The following GRIK2 variants were observed in gnomAD, a reference collection of about 807,000 sequenced individuals.
GRIK2 encodes the protein glutamate receptor ionotropic, kainate 2.
Under a neutral mutation model 100.3 loss-of-function variants are expected in GRIK2, and 32 were observed. The observed-to-expected ratio is 0.32, with a 90% CI of 0.24 to 0.43. The LOEUF is 0.43. Ranked by LOEUF, GRIK2 falls within the 20% of genes least tolerant of loss-of-function variation. The pLI is 1.00. For synonymous variants in GRIK2, 417 were observed against 389.4 expected (o/e 1.07, Z -0.83); for missense variants, 843 against 1,114.9 (o/e 0.76, Z 3.47).
At chr6:101,967,284 A>G (rs1000860405) in intron 14 of GRIK2, among the ~76,000 whole-genome samples, 1 of 152,024 alleles carries the variant, frequency 6.6e-6, no homozygotes, top group African/African-American at 2.4e-5. Flanking sequence ...AAAGTCATAT[A>G]ACTGTTTTTC....
At chr6:101,923,926 A>AC (rs892560595) in intron 12 of GRIK2, among the ~76,000 whole-genome samples, 2 of 120,250 alleles carry the variant, frequency 1.7e-5, no homozygotes, top group Admixed American at 7.9e-5. Flanking sequence ...TTCTGTCTCC[A>AC]AAAAAAAAAA....
At chr6:101,877,136 AACAC>A (rs151191425) in intron 11 of GRIK2, among the ~76,000 whole-genome samples, 2 of 151,368 alleles carry the variant, frequency 1.3e-5, no homozygotes, top group African/African-American at 4.9e-5. Context: ...AACACAGACG[AACAC>A]ACACACACAT....
chr6:101,543,773 A>G (rs1776110536), intron 2 of GRIK2, among the ~76,000 whole-genome samples: 1 of 152,216 alleles, frequency 6.6e-6, no homozygotes, highest in African/African-American at 2.4e-5. Flanking sequence ...TTATTTTTAA[A>G]GTGCTTAAAC....
intron 2 of GRIK2, among the ~76,000 whole-genome samples, chr6:101,451,224 A>T (rs962526266): frequency 6.6e-6 from 1 of 151,636 alleles, no homozygotes; most frequent in African/African-American, 2.4e-5. Flanking sequence ...TGTGGACTTA[A>T]TCTTTATGTT....
chr6:101,569,631 C>T (rs906992405), intron 2 of GRIK2, among the ~76,000 whole-genome samples: 1 of 151,764 alleles, frequency 6.6e-6, no homozygotes, highest in Non-Finnish European at 1.5e-5. Context: ...ATATATGTTA[C>T]CCAAATAATA....
intron 7 of GRIK2, among the ~76,000 whole-genome samples, chr6:101,731,449 G>T (rs1413749349): frequency 6.6e-6 from 1 of 152,006 alleles, no homozygotes; most frequent in Admixed American, 6.6e-5. Flanking sequence ...ATGAAATAGA[G>T]TGTAAGTTTT....
intron 2 of GRIK2, among the ~76,000 whole-genome samples, chr6:101,499,970 T>A (rs1310914042): frequency 1.3e-5 from 2 of 152,146 alleles, no homozygotes; most frequent in African/African-American, 4.8e-5. Context: ...TTTTATGATA[T>A]TATAGGTGTC....
intron 7 of GRIK2, among the ~76,000 whole-genome samples, chr6:101,795,522 T>C (rs78510636): frequency 0.053 from 7,999 of 152,240 alleles, 497 homozygotes; most frequent in African/African-American, 0.15. Flanking sequence ...TCCAGGAAGC[T>C]TGCTTCGGTT....
At chr6:101,523,893 T>C (rs991323529) in intron 2 of GRIK2, among the ~76,000 whole-genome samples, 6 of 151,984 alleles carry the variant, frequency 3.9e-5, no homozygotes, top group African/African-American at 1.4e-4. Flanking sequence ...CTAATTTTTA[T>C]AGTTTTTTAG....
At chr6:101,719,715 A>G (rs1299904090) in intron 7 of GRIK2, among the ~76,000 whole-genome samples, 1 of 152,002 alleles carries the variant, frequency 6.6e-6, no homozygotes, top group Admixed American at 6.6e-5. Context: ...TTCTGCCAGC[A>G]TAGGAGGCGA....
chr6:101,943,934 G>T (rs2128476596), intron 14 of GRIK2, among the ~76,000 whole-genome samples: 1 of 152,274 alleles, frequency 6.6e-6, no homozygotes, highest in African/African-American at 2.4e-5. Context: ...AGGGTGGAAT[G>T]ATTGGTTTGG....
At chr6:101,933,720 A>G (rs189321149) in intron 14 of GRIK2, among the ~76,000 whole-genome samples, 1 of 152,064 alleles carries the variant, frequency 6.6e-6, no homozygotes, top group African/African-American at 2.4e-5. Flanking sequence ...CTGATGGAAA[A>G]CATATGACAG....
In GRIK2 at chr6:101,806,065, A is replaced by G. The variant is rs145705928; in HGVS notation, c.1203+3627A>G. 2.8e-4 allele frequency among the ~76,000 whole-genome samples: 43 copies of G among 152,146 alleles called. No homozygotes were observed. In the East Asian group the frequency reaches 7.2e-3, roughly 25 times the overall value. ...CACTGTGGTCCCAAAAAGATCACCG[A>G]TACTGTATACACAGCCAGCCACTTC... is the stretch of plus-strand genomic sequence containing the variant. On this transcript the variant is annotated intron_variant, in intron 9 of 16. Coordinates refer to ENST00000369134, the MANE Select transcript of GRIK2 (RefSeq NM_021956.5).
At chr6:101,491,976 C>G (rs1423913244) in intron 2 of GRIK2, among the ~76,000 whole-genome samples, 1 of 151,414 alleles carries the variant, frequency 6.6e-6, no homozygotes, top group Non-Finnish European at 1.5e-5. Flanking sequence ...AAAATTGTTT[C>G]TGTTATATAC....
intron 2 of GRIK2, among the ~76,000 whole-genome samples, chr6:101,581,846 T>G (rs1778114524): frequency 6.6e-6 from 1 of 152,074 alleles, no homozygotes; most frequent in South Asian, 2.1e-4. Context: ...AACTGACACC[T>G]AAAAATGGGC....
intron 10 of GRIK2, among the ~76,000 whole-genome samples, chr6:101,820,800 T>A (rs1781909602): frequency 1.3e-5 from 2 of 152,210 alleles, no homozygotes; most frequent in South Asian, 4.1e-4. Context: ...TGTATCCATC[T>A]CAAATGCTAC....
At chr6:101,570,371 G>C (rs1455662787) in intron 2 of GRIK2, among the ~76,000 whole-genome samples, 1 of 152,146 alleles carries the variant, frequency 6.6e-6, no homozygotes, top group East Asian at 1.9e-4. Flanking sequence ...CAGATAGTGA[G>C]AGCAGTGTGA....
rs566751324 is a variant in GRIK2, at chr6:101,589,757, A to C, written c.116-32192A>C. On this transcript the variant is annotated intron_variant, in intron 2 of 16. Transcript: ENST00000369134. ...CTCATGACTGAGATTTGGACATTGG[A>C]GCTGGAAGTAATGATTGGGACATCA... 3.8e-4 allele frequency among the ~76,000 whole-genome samples: 58 copies of C among 152,192 alleles called. 1 individual carries two copies. The South Asian group carries it at 9.9e-3, about 26-fold the overall frequency.
At chr6:101,653,716 A>G (rs1050089109) in intron 4 of GRIK2, among the ~76,000 whole-genome samples, 8 of 151,538 alleles carry the variant, frequency 5.3e-5, no homozygotes, top group Non-Finnish European at 1.2e-4. Context: ...TCCACTTCCT[A>G]GGTTCAAGCA....
Sources: allele counts gnomAD v4.1 joint callset (sites outside exome capture counted in the v4.1 genomes callset), GRCh38; gene constraint gnomAD v4.1.1; transcripts MANE v1.5; gene names NCBI Gene and HGNC (gene_info 2026-07-23, HGNC 2026-07-21).